Variants in ERC1 observed in about 807,000 individuals in gnomAD.
ERC1 encodes the protein RAB6 interacting protein 2.
ERC1 carries 56 observed loss-of-function variants against 132.0 expected under a neutral mutation model. That is an observed-to-expected ratio of 0.42 (90% confidence interval 0.34 to 0.53). The LOEUF is 0.53. Ranked by LOEUF, ERC1 falls within the 20% of genes least tolerant of loss-of-function variation. The probability of loss-of-function intolerance (pLI) is 0.03; values close to 1 mark genes in which losing one functional copy is unlikely to be tolerated. For synonymous variants in ERC1, 478 were observed against 476.1 expected, an observed-to-expected ratio of 1.00 and a Z score of -0.05; for missense variants, 1,202 against 1,349.9, an observed-to-expected ratio of 0.89 and a Z score of 1.72.
In ERC1 at chr12:1,493,937, A is replaced by T. The variant is rs545424379; in HGVS notation, c.*3707A>T. On this transcript the variant is annotated 3_prime_UTR_variant, in exon 19 of 19. Transcript: ENST00000360905. Reference sequence around the variant, plus strand: ...GGCAACCATCATGTGTCACCCCAAAATATAAATGTTTCTGAGCCGCCCATC... The same window carrying T: ...GGCAACCATCATGTGTCACCCCAAATTATAAATGTTTCTGAGCCGCCCATC... 6 of 231,776 alleles carry T rather than the reference A, an allele frequency of 2.6e-5. No homozygotes were observed. In the South Asian group the frequency reaches 9.1e-4, roughly 35 times the overall value. The allele number at this position is 231,776 out of a possible 1,614,324, so 14.4% of individuals were successfully genotyped here. A position where few individuals can be genotyped will look rare whatever the true frequency, so the allele number is the denominator to read the frequency against.
At chr12:1,001,503 A>G (rs879863022) in intron 1 of ERC1, among the ~76,000 whole-genome samples, 2 of 152,254 alleles carry the variant, frequency 1.3e-5, no homozygotes, top group Non-Finnish European at 2.9e-5. Context: ...CTTTCCTTGA[A>G]GCTTCCCAAT....
chr12:1,209,360 A>C lies in ERC1; in HGVS notation c.2351+19308A>C, dbSNP rs146340470. ...CATTTGGAATTCACATAGTTAAACA[A>C]ACTTATGGTTTCATGTAGCAATGTT... On this transcript the variant is annotated intron_variant, in intron 12 of 18. Transcript: ENST00000360905. Among the ~76,000 whole-genome samples the C allele has an allele frequency of 3.4e-4, 51 of 151,838 alleles. 1 individual carries two copies. The highest frequency in any genetic ancestry group is 1.2e-3 in the African/African-American group (50 of 41,384).
chr12:1,059,074 T>G (rs1192366823), intron 2 of ERC1, among the ~76,000 whole-genome samples: 2 of 152,218 alleles, frequency 1.3e-5, no homozygotes, highest in African/African-American at 4.8e-5. Flanking sequence ...CAATTTATTC[T>G]TAGAGTTTGT....
intron 17 of ERC1, among the ~76,000 whole-genome samples, chr12:1,431,705 T>C (rs754732094): frequency 7.2e-5 from 11 of 152,228 alleles, no homozygotes; most frequent in Non-Finnish European, 1.6e-4. Context: ...TTATTCTTGA[T>C]ACAAGTACTT....
At chr12:1,259,369 A>C (rs1544425) in intron 13 of ERC1, among the ~76,000 whole-genome samples, 64,455 of 151,760 alleles carry the variant, frequency 0.42, 15,415 homozygotes, top group African/African-American at 0.65. Flanking sequence ...ACACACACTT[A>C]CTTCTTTCTG....
At chr12:1,143,329 CGTG>C (rs1297060912) in intron 8 of ERC1, among the ~76,000 whole-genome samples, 3 of 128,890 alleles carry the variant, frequency 2.3e-5, no homozygotes, top group Non-Finnish European at 5.0e-5. Flanking sequence ...GCTTTTGACT[CGTG>C]TGTGTGTGTG....
chr12:1,380,896 G>T (rs568041851), intron 16 of ERC1: 2 of 152,380 alleles, frequency 1.3e-5, no homozygotes, highest in East Asian at 3.9e-4. Flanking sequence ...AAATTAAATA[G>T]CAAGTATCGC....
chr12:1,478,528 T>C (rs957928064), intron 18 of ERC1, among the ~76,000 whole-genome samples: 1 of 152,050 alleles, frequency 6.6e-6, no homozygotes, highest in African/African-American at 2.4e-5. Context: ...GCGCGGTGGC[T>C]CACGCCTGTA....
At chr12:1,382,216 C>T (rs1307895937) in intron 16 of ERC1, among the ~76,000 whole-genome samples, 2 of 152,218 alleles carry the variant, frequency 1.3e-5, no homozygotes, top group African/African-American at 4.8e-5. Flanking sequence ...TCACATTTTA[C>T]AAAGTACTAT....
At chr12:1,110,429 G>C (rs963763979) in intron 5 of ERC1, 82 bp downstream of exon 5, 1 of 1,179,088 alleles carries the variant, frequency 8.5e-7, no homozygotes, top group African/African-American at 1.6e-5. Context: ...TGATGATAAA[G>C]CCGTATTTTA....
At chr12:1,138,167 A>T (rs1246638327) in intron 7 of ERC1, among the ~76,000 whole-genome samples, 1 of 118,346 alleles carries the variant, frequency 8.4e-6, no homozygotes, top group Admixed American at 9.7e-5. Flanking sequence ...TAATATATAT[A>T]ATTGTATATA....
At chr12:1,465,824 C>T (rs1048025614) in intron 18 of ERC1, among the ~76,000 whole-genome samples, 1 of 152,216 alleles carries the variant, frequency 6.6e-6, no homozygotes, top group Non-Finnish European at 1.5e-5. Flanking sequence ...TGCTGTTACT[C>T]CCTGAGCCTT....
At chr12:1,084,388 TA>T (rs1178452094) in intron 3 of ERC1, among the ~76,000 whole-genome samples, 1 of 152,180 alleles carries the variant, frequency 6.6e-6, no homozygotes, top group Non-Finnish European at 1.5e-5. Context: ...GAAGGAGGTT[TA>T]AAAAATGGCG....
chr12:1,148,948 G>A (rs537153259), intron 8 of ERC1, among the ~76,000 whole-genome samples: 28 of 152,202 alleles, frequency 1.8e-4, no homozygotes, highest in African/African-American at 6.0e-4. Flanking sequence ...TATTTTCAGT[G>A]CTTAGATCCT....
chr12:994,320 T>G (rs999236706), intron 1 of ERC1, among the ~76,000 whole-genome samples: 1 of 152,134 alleles, frequency 6.6e-6, no homozygotes, highest in African/African-American at 2.4e-5. Context: ...GAATATAATT[T>G]GTTTTTTTTT....
chr12:1,401,127 G>A (rs946042615), intron 16 of ERC1, among the ~76,000 whole-genome samples: 43 of 149,440 alleles, frequency 2.9e-4, no homozygotes, highest in Non-Finnish European at 5.0e-4. Flanking sequence ...AGTAGAGACG[G>A]GGTTTCACGT....
intron 2 of ERC1, among the ~76,000 whole-genome samples, chr12:1,063,161 G>A (rs1234014678): frequency 1.3e-5 from 2 of 152,006 alleles, no homozygotes; most frequent in Non-Finnish European, 2.9e-5. Flanking sequence ...TCTGCCTCCC[G>A]GGTTCAAGCA....
At chr12:1,272,289 G>A (rs1375567507) in intron 14 of ERC1, among the ~76,000 whole-genome samples, 1 of 152,208 alleles carries the variant, frequency 6.6e-6, no homozygotes, top group Non-Finnish European at 1.5e-5. Flanking sequence ...ACTGCCCTCT[G>A]TGGTTCCAAG....
At chr12:1,353,028 C>CTTTT (rs547540688) in intron 15 of ERC1, among the ~76,000 whole-genome samples, 43 of 122,978 alleles carry the variant, frequency 3.5e-4, no homozygotes, top group African/African-American at 1.1e-3. Context: ...CTTTTCTTTT[C>CTTTT]TTTTTTTTTT....
Sources: gnomAD v4.1 joint callset for allele counts (sites outside exome capture counted in the v4.1 genomes callset) on GRCh38, gnomAD v4.1.1 for gene constraint, MANE v1.5 for transcripts, NCBI Gene and HGNC (gene_info 2026-07-23, HGNC 2026-07-21) for gene names.